Variants in EXOC6B observed in about 807,000 individuals in gnomAD.
EXOC6B encodes SEC15 homolog B.
In EXOC6B, 54 loss-of-function variants were observed where a neutral mutation model predicts 113.5. The observed-to-expected ratio is 0.48, with a 90% CI of 0.38 to 0.60. The LOEUF (loss-of-function observed/expected upper bound fraction) is 0.60. EXOC6B is among the 20% of genes least tolerant of loss of function. EXOC6B has a pLI of 0.00. For synonymous variants in EXOC6B, 357 were observed against 339.0 expected (o/e 1.05, Z -0.58); for missense variants, 797 against 977.5 (o/e 0.82, Z 2.46).
chr2:72,323,336 CAG>C (rs1176389950), intron 20 of EXOC6B, among the ~76,000 whole-genome samples: 17 of 152,144 alleles, frequency 1.1e-4, no homozygotes, highest in African/African-American at 4.1e-4. Context: ...CAGGAAACAA[CAG>C]ATGCTGGAGA....
intron 11 of EXOC6B, among the ~76,000 whole-genome samples, chr2:72,508,572 G>A (rs954622437): frequency 2.6e-5 from 4 of 152,118 alleles, no homozygotes; most frequent in Non-Finnish European, 5.9e-5. Context: ...AGGAGTTCAA[G>A]ACCAGCCTGG....
intron 8 of EXOC6B, among the ~76,000 whole-genome samples, chr2:72,523,544 C>T (rs1194281910): frequency 6.6e-6 from 1 of 151,972 alleles, no homozygotes; most frequent in African/African-American, 2.4e-5. Context: ...TTTGGGAGGC[C>T]GAGGCGGGCA....
At chr2:72,619,384 C>T (rs1244595427) in intron 6 of EXOC6B, among the ~76,000 whole-genome samples, 1 of 151,954 alleles carries the variant, frequency 6.6e-6, no homozygotes, top group Non-Finnish European at 1.5e-5. Flanking sequence ...GGCAGCATTT[C>T]CCATGGATTG....
In EXOC6B at chr2:72,496,626, C is replaced by G. The variant is rs537524016; in HGVS notation, c.1338-67G>C. On this transcript the variant is annotated intron_variant, in intron 13 of 21. Transcript: ENST00000272427. ...AAAGTGGGGGGGTAGGGGAGGGGAA[C>G]AGAGGGAAGGTGGGTTAATCACAAA... The G allele has an allele frequency of 1.7e-5, 15 of 907,380 alleles. No homozygotes were observed. The African/African-American group carries it at 1.8e-4, about 11-fold the overall frequency. The allele number at this position is 907,380 out of a possible 1,614,324, so 56.2% of individuals were successfully genotyped here. A position where few individuals can be genotyped will look rare whatever the true frequency, so the allele number is the denominator to read the frequency against.
intron 5 of EXOC6B, among the ~76,000 whole-genome samples, chr2:72,727,305 G>C (rs1206238845): frequency 6.6e-6 from 1 of 152,104 alleles, no homozygotes; most frequent in Admixed American, 6.6e-5. Context: ...GATCTAAATA[G>C]TCTCATTTAA....
intron 6 of EXOC6B, among the ~76,000 whole-genome samples, chr2:72,673,733 T>C (rs912573587): frequency 8.0e-5 from 12 of 149,844 alleles, no homozygotes; most frequent in African/African-American, 2.7e-4. Flanking sequence ...TTATTATTTT[T>C]ATTTTATTTT....
chr2:72,502,286 G>A (rs1053250395), intron 11 of EXOC6B, among the ~76,000 whole-genome samples: 4 of 152,000 alleles, frequency 2.6e-5, no homozygotes, highest in East Asian at 1.9e-4. Context: ...GGTGGCTCAC[G>A]CCTGTAATCC....
chr2:72,317,812 AC>A (rs1687612095), intron 20 of EXOC6B, among the ~76,000 whole-genome samples: 1 of 152,122 alleles, frequency 6.6e-6, no homozygotes. Context: ...GTTCCAAGAC[AC>A]TAAATACTAA....
intron 1 of EXOC6B, among the ~76,000 whole-genome samples, chr2:72,753,599 C>T (rs1195344679): frequency 2.6e-5 from 4 of 152,270 alleles, no homozygotes; most frequent in Non-Finnish European, 2.9e-5. Context: ...TAAATGAGAC[C>T]TTGTACTTGG....
intron 20 of EXOC6B, among the ~76,000 whole-genome samples, chr2:72,276,869 A>G (rs886753572): frequency 1.3e-5 from 2 of 152,138 alleles, no homozygotes; most frequent in African/African-American, 2.4e-5. Context: ...ACTTGCTTTA[A>G]GTCTTCCCTG....
At chr2:72,772,066 C>A (rs1455189550) in intron 1 of EXOC6B, among the ~76,000 whole-genome samples, 1 of 152,070 alleles carries the variant, frequency 6.6e-6, no homozygotes, top group African/African-American at 2.4e-5. Flanking sequence ...AGGTAGAATG[C>A]AGAAATAAGA....
chr2:72,741,994 C>G (rs1322317855), intron 1 of EXOC6B, among the ~76,000 whole-genome samples: 1 of 152,172 alleles, frequency 6.6e-6, no homozygotes, highest in African/African-American at 2.4e-5. Context: ...TGTGTGGGAA[C>G]CTTACCTTGT....
At chr2:72,188,822 T>C (rs765092480) in intron 20 of EXOC6B, among the ~76,000 whole-genome samples, 3 of 152,236 alleles carry the variant, frequency 2.0e-5, no homozygotes, top group Non-Finnish European at 4.4e-5. Context: ...GGAATAAGCA[T>C]AGTATAAAGA....
intron 18 of EXOC6B, among the ~76,000 whole-genome samples, chr2:72,445,545 G>C (rs915895119): frequency 7.2e-5 from 11 of 152,166 alleles, no homozygotes; most frequent in African/African-American, 2.7e-4. Flanking sequence ...TGGACATACA[G>C]TTCCACATGG....
At chr2:72,231,656 T>C (rs571069034) in intron 20 of EXOC6B, among the ~76,000 whole-genome samples, 45 of 152,034 alleles carry the variant, frequency 3.0e-4, no homozygotes, top group African/African-American at 9.6e-4. Flanking sequence ...CCATGAAACA[T>C]GGGCAAAGGA....
chr2:72,551,918 T>C (rs1703255718), intron 8 of EXOC6B, among the ~76,000 whole-genome samples: 1 of 152,252 alleles, frequency 6.6e-6, no homozygotes, highest in South Asian at 2.1e-4. Context: ...TATTAAAGCA[T>C]AAGGCATTAA....
At position 72,411,287 on chromosome 2, in the gene EXOC6B, C is replaced by CA. The variant is rs539145077; in HGVS notation, c.1981-31418dup. Among the ~76,000 whole-genome samples, 5 of 151,602 alleles carry CA rather than the reference C, an allele frequency of 3.3e-5. No homozygotes were observed. The East Asian group carries it at 5.8e-4, about 18-fold the overall frequency. ...TACTTTTAGTAACACATCTGAGCTT[C>CA]AAAAAAAAGGAAATCTCTTGGTGCT... On this transcript the variant is annotated intron_variant, in intron 18 of 21. Transcript: ENST00000272427.
chr2:72,650,238 G>C (rs988976439), intron 6 of EXOC6B, among the ~76,000 whole-genome samples: 9 of 152,212 alleles, frequency 5.9e-5, no homozygotes, highest in Non-Finnish European at 1.2e-4. Context: ...CCCTACATCA[G>C]TTTGTGGAAA....
chr2:72,658,286 T>TAAAAAAAAAAAAAAAAAAAAAAAAAGA (rs1674752368), intron 6 of EXOC6B, among the ~76,000 whole-genome samples: 1 of 58,726 alleles, frequency 1.7e-5, no homozygotes, highest in Non-Finnish European at 3.1e-5. Flanking sequence ...TAAAAACTAG[T>TAAAAAAAAAAAAAAAAAAAAAAAAAGA]AAAAAAAAAA....
Sources: gnomAD v4.1 joint callset for allele counts (sites outside exome capture counted in the v4.1 genomes callset) on GRCh38, gnomAD v4.1.1 for gene constraint, MANE v1.5 for transcripts, NCBI Gene and HGNC (gene_info 2026-07-23, HGNC 2026-07-21) for gene names.